FAM13C: variants seen among roughly 807,000 people sequenced by gnomAD.
FAM13C encodes the protein family with sequence similarity 13 member C.
In FAM13C, 37 loss-of-function variants were observed where a neutral mutation model predicts 73.2. The ratio of observed to expected loss-of-function variants is 0.51; its 90% CI spans 0.39 to 0.67. FAM13C has a LOEUF of 0.67. Among genes scored for constraint, FAM13C ranks in the 30% least tolerant of loss-of-function variants. FAM13C has a pLI of 0.00. For synonymous variants in FAM13C, 246 were observed against 260.9 expected, an observed-to-expected ratio of 0.94 and a Z score of 0.55; for missense variants, 589 against 715.6, an observed-to-expected ratio of 0.82 and a Z score of 2.02.
At chr10:59,348,771 G>C (rs1050534923) in intron 3 of FAM13C, among the ~76,000 whole-genome samples, 5 of 152,098 alleles carry the variant, frequency 3.3e-5, no homozygotes, top group African/African-American at 1.2e-4. Context: ...GAGTAGCTGG[G>C]ACTATAGGCG....
At chr10:59,334,741 A>C (rs1474528472) in intron 3 of FAM13C, among the ~76,000 whole-genome samples, 1 of 128,178 alleles carries the variant, frequency 7.8e-6, no homozygotes, top group Non-Finnish European at 1.6e-5. Flanking sequence ...GGGGAACATC[A>C]CACACCGGGG....
rs898278418 is a variant in FAM13C, at chr10:59,355,013, T to C, written c.119+874A>G. On this transcript the variant is annotated intron_variant, in intron 2 of 13. Coordinates refer to ENST00000618804, the MANE Select transcript of FAM13C (RefSeq NM_198215.4). Reference sequence around the variant, plus strand: ...ACCTCACCAATAATAATAATAATAATAATAATTTAAAAAATAAATAAAAAT... The same window carrying C: ...ACCTCACCAATAATAATAATAATAACAATAATTTAAAAAATAAATAAAAAT... Among the ~76,000 whole-genome samples the C allele has an allele frequency of 1.3e-3, 202 of 151,568 alleles. 1 individual carries two copies. The highest frequency in any genetic ancestry group is 4.8e-3 in the African/African-American group (197 of 41,352).
At chr10:59,273,327 AT>A (rs1405747059) in intron 6 of FAM13C, among the ~76,000 whole-genome samples, 1 of 152,170 alleles carries the variant, frequency 6.6e-6, no homozygotes, top group African/African-American at 2.4e-5. Context: ...GAGACCCATT[AT>A]TTTTAACAAA....
chr10:59,300,077 A>G (rs61863180), intron 5 of FAM13C, among the ~76,000 whole-genome samples: 7,004 of 152,236 alleles, frequency 0.046, 236 homozygotes, highest in Non-Finnish European at 0.07. Context: ...TATGAGAAAC[A>G]CACACAGAGA....
In FAM13C at chr10:59,246,439, A is replaced by G. The variant is rs905491633; in HGVS notation, c.*1175T>C. 13 of 370,640 alleles carry G rather than the reference A, an allele frequency of 3.5e-5. No homozygotes were observed. The highest frequency in any genetic ancestry group is 6.9e-4 in the Middle Eastern group (1 of 1,452). 23.0% of individuals were successfully genotyped at this position (370,640 alleles called of 1,614,324 possible). On this transcript the variant is annotated 3_prime_UTR_variant, in exon 14 of 14. Coordinates refer to ENST00000618804, the MANE Select transcript of FAM13C (RefSeq NM_198215.4). ...GAAATAGTCAATAGTCTTCCCATCC[A>G]AACTATAAGAGAATGTGAATTTCTT...
At position 59,247,552 on chromosome 10, in the gene FAM13C, G is replaced by C. The variant is rs1840823018; in HGVS notation, c.*62C>G. 6.2e-7 allele frequency: 1 copy of C among 1,600,424 alleles called. No homozygotes were observed. The highest frequency in any genetic ancestry group is 8.5e-7 in the Non-Finnish European group (1 of 1,171,384). On this transcript the variant is annotated 3_prime_UTR_variant, in exon 14 of 14. Coordinates refer to ENST00000618804, the MANE Select transcript of FAM13C (RefSeq NM_198215.4). ...GTGTCAAAACTACTTAGCAAGGATG[G>C]CAGAGGAAAATAAACTTTACTTTAT...
intron 5 of FAM13C, among the ~76,000 whole-genome samples, chr10:59,290,035 T>A (rs1426437146): frequency 6.6e-6 from 1 of 152,204 alleles, no homozygotes; most frequent in Non-Finnish European, 1.5e-5. Context: ...CTATCCCATC[T>A]GGTTAAGAAA....
intron 3 of FAM13C, among the ~76,000 whole-genome samples, chr10:59,344,606 A>T (rs1322279482): frequency 6.6e-6 from 1 of 152,034 alleles, no homozygotes; most frequent in Non-Finnish European, 1.5e-5. Flanking sequence ...AATCCCCTAA[A>T]ATTTGAATGT....
At chr10:59,270,320 G>A in intron 6 of FAM13C, 2 of 556,052 alleles carry the variant, frequency 3.6e-6, no homozygotes, top group South Asian at 2.4e-5. Flanking sequence ...ACAAAACAAA[G>A]GAAACAAATA....
chr10:59,299,928 C>A (rs1198243445), intron 5 of FAM13C, among the ~76,000 whole-genome samples: 2 of 152,038 alleles, frequency 1.3e-5, no homozygotes, highest in Non-Finnish European at 2.9e-5. Flanking sequence ...ATAAAAAATG[C>A]AATTCCTATC....
At chr10:59,278,159 C>G (rs1292559483) in intron 6 of FAM13C, among the ~76,000 whole-genome samples, 1 of 152,134 alleles carries the variant, frequency 6.6e-6, no homozygotes. Context: ...ATCACGAGAG[C>G]AGCATGGGAA....
chr10:59,268,562 C>A lies in FAM13C; in HGVS notation c.933G>T (p.Lys311Asn). The stretch of plus-strand genomic sequence containing the variant: ...ACCCCAGGGTTCTTACCCGGTATTT[C>A]TTTTCTTGTTCAAATTTTTCTTCAA... ...RKFEEKFEQE[K>N]KYRPSHGDKT... The change falls in exon 8 of 14, where the codon AAG becomes AAT. Residue 311 changes from lysine to asparagine, a missense_variant. Coordinates refer to ENST00000618804, the MANE Select transcript of FAM13C (RefSeq NM_198215.4). The A allele has an allele frequency of 1.2e-6, 2 of 1,613,794 alleles. No homozygotes were observed. The highest frequency in any genetic ancestry group is 1.3e-5 in the African/African-American group (1 of 75,030).
Position 59,351,259 on chromosome 10 carries a change from G to T in FAM13C, c.324+1011C>A, listed in dbSNP as rs574372824. Among the ~76,000 whole-genome samples the T allele has an allele frequency of 2.6e-5, 4 of 151,678 alleles. No individual in the cohort carries two copies. The South Asian group carries it at 8.3e-4, about 32-fold the overall frequency. ...GAGGTGGGAGGATCACTTGAACCCG[G>T]CGGTGGAGGTTGTAGTGACCTGAGA... is the stretch of plus-strand genomic sequence containing the variant. On this transcript the variant is annotated intron_variant, in intron 3 of 13. Coordinates refer to ENST00000618804, the MANE Select transcript of FAM13C (RefSeq NM_198215.4).
In FAM13C at chr10:59,328,176, T is replaced by G. The variant is rs900755519; in HGVS notation, c.325-4070A>C. 3.3e-5 allele frequency among the ~76,000 whole-genome samples: 5 copies of G among 152,176 alleles called. No homozygotes were observed. The East Asian group carries it at 9.6e-4, about 29-fold the overall frequency. ...ATTTACTACATTCTGAGATAGTTCA[T>G]AAGAAAGCTGTCCATGAAGCAAACA... On this transcript the variant is annotated intron_variant, in intron 3 of 13. Coordinates refer to ENST00000618804, the MANE Select transcript of FAM13C (RefSeq NM_198215.4).
At chr10:59,298,589 C>T (rs1226010430) in intron 5 of FAM13C, among the ~76,000 whole-genome samples, 2 of 152,176 alleles carry the variant, frequency 1.3e-5, no homozygotes, top group Non-Finnish European at 2.9e-5. Flanking sequence ...CATACCACTC[C>T]AGATCCCCAG....
intron 3 of FAM13C, among the ~76,000 whole-genome samples, chr10:59,344,704 A>G (rs1564615772): frequency 6.6e-6 from 1 of 152,214 alleles, no homozygotes; most frequent in Non-Finnish European, 1.5e-5. Flanking sequence ...GAAAAATGAC[A>G]CAGAGCTAGT....
At chr10:59,288,279 G>A (rs1470570431) in intron 5 of FAM13C, among the ~76,000 whole-genome samples, 1 of 152,130 alleles carries the variant, frequency 6.6e-6, no homozygotes, top group Non-Finnish European at 1.5e-5. Flanking sequence ...ATCATTTGAG[G>A]TCAGGAGTTC....
chr10:59,255,257 T>A (rs1169374565), intron 10 of FAM13C, among the ~76,000 whole-genome samples: 1 of 152,096 alleles, frequency 6.6e-6, no homozygotes, highest in African/African-American at 2.4e-5. Flanking sequence ...TTCCTACCTA[T>A]ACAAGAAGGA....
intron 10 of FAM13C, 28 bp downstream of exon 10, chr10:59,262,406 C>G (rs954715542): frequency 6.2e-7 from 1 of 1,600,280 alleles, no homozygotes; most frequent in African/African-American, 1.3e-5. Flanking sequence ...TACAGGGGCC[C>G]TCTATATAAC....
Sources: allele counts gnomAD v4.1 joint callset (sites outside exome capture counted in the v4.1 genomes callset), GRCh38; gene constraint gnomAD v4.1.1; transcripts MANE v1.5; gene names NCBI Gene and HGNC (gene_info 2026-07-23, HGNC 2026-07-21).